Variants in GMEB1 observed in about 807,000 individuals in gnomAD.
GMEB1 encodes glucocorticoid modulatory element-binding protein 1.
Under a neutral mutation model 52.4 loss-of-function variants are expected in GMEB1, and 6 were observed. That is an observed-to-expected ratio of 0.11 (90% confidence interval 0.06 to 0.23). The LOEUF (loss-of-function observed/expected upper bound fraction) is 0.23, where lower values mean the gene tolerates loss of function less well. Ranked by LOEUF, GMEB1 falls within the 10% of genes least tolerant of loss-of-function variation. GMEB1 has a pLI of 1.00. For missense variants in GMEB1, 486 were observed against 685.6 expected, an observed-to-expected ratio of 0.71 and a Z score of 3.25; for synonymous variants, 255 against 244.9, an observed-to-expected ratio of 1.04 and a Z score of -0.38.
rs377667689 is a variant in GMEB1 at position 28,710,661 on chromosome 1, T to A, written c.991+19T>A. ...CTGACAGGTATGTATAAGTTATCGC[T>A]CTTCTTCGGTGATATCATGCTAATA... On this transcript the variant is annotated intron_variant, in intron 9 of 9. Coordinates refer to ENST00000373816, the MANE Select transcript of GMEB1 (RefSeq NM_001319674.2). 1 of 1,503,746 alleles carries A rather than the reference T, an allele frequency of 6.7e-7. No homozygotes were observed. Among genetic ancestry groups the A allele is most frequent in the Non-Finnish European group, 8.9e-7 (1 of 1,123,006 alleles). 93.2% of individuals were successfully genotyped at this position (1,503,746 alleles called of 1,614,324 possible).
At chr1:28,703,434 G>A (rs960409697) in intron 7 of GMEB1, among the ~76,000 whole-genome samples, 1 of 152,108 alleles carries the variant, frequency 6.6e-6, no homozygotes, top group African/African-American at 2.4e-5. Context: ...GGCCAAGGTG[G>A]ATGGATCACC....
chr1:28,676,579 T>C (rs1197522343), intron 1 of GMEB1, among the ~76,000 whole-genome samples: 1 of 151,718 alleles, frequency 6.6e-6, no homozygotes, highest in Non-Finnish European at 1.5e-5. Flanking sequence ...TACAAAAAAT[T>C]AGGCGGCATG....
At position 28,714,221 on chromosome 1, in the gene GMEB1, C is replaced by G. The variant is rs1260732056; in HGVS notation, c.1140C>G (p.Val380=). 3.1e-6 allele frequency: 5 copies of G among 1,614,092 alleles called. No homozygotes were observed. Among genetic ancestry groups the G allele is most frequent in the African/African-American group, 1.3e-5 (1 of 74,944 alleles). The change falls in exon 10 of 10, where the codon GTC becomes GTG. Residue 380 remains valine, a synonymous_variant. Transcript: ENST00000373816. ...TCCAGCGGCCAGCCTCCACCACTGT[C>G]TTGAGCCCTTCTCCTCCTGTCCAGC... ...PRLQRPASTT[V]LSPSPPVQQP... is the part of the protein sequence containing the mutation.
chr1:28,715,001 C>A lies in GMEB1; in HGVS notation c.*228C>A, dbSNP rs1273701801. The A allele has an allele frequency of 8.1e-6, 4 of 496,072 alleles. No individual in the cohort carries two copies. The highest frequency in any genetic ancestry group is 7.7e-5 in the African/African-American group (4 of 52,092). The allele number at this position is 496,072 out of a possible 1,614,324, so 30.7% of individuals were successfully genotyped here. A position where few individuals can be genotyped will look rare whatever the true frequency, so the allele number is the denominator to read the frequency against. ...AGAGTAGGTCATTCAATGTCCTAAT[C>A]ATCTTACACCAAGAAAGTAATTTCT... On this transcript the variant is annotated 3_prime_UTR_variant, in exon 10 of 10. Coordinates refer to ENST00000373816, the MANE Select transcript of GMEB1 (RefSeq NM_001319674.2).
At chr1:28,701,316 A>G (rs1042950319) in intron 6 of GMEB1, among the ~76,000 whole-genome samples, 8 of 128,174 alleles carry the variant, frequency 6.2e-5, no homozygotes, top group African/African-American at 2.4e-4. Context: ...CCCAGGCTGG[A>G]TGGAGTCCAG....
chr1:28,687,555 G>A (rs916036966), intron 2 of GMEB1, among the ~76,000 whole-genome samples: 11 of 152,020 alleles, frequency 7.2e-5, no homozygotes, highest in Non-Finnish European at 1.6e-4. Flanking sequence ...TCTTAAAGAA[G>A]CTTAAATATC....
At chr1:28,696,582 G>A (rs1458168835) in intron 5 of GMEB1, among the ~76,000 whole-genome samples, 11 of 152,052 alleles carry the variant, frequency 7.2e-5, no homozygotes. Context: ...CAATTATAAG[G>A]ACATTTTCCA....
chr1:28,710,481 CTGT>C, intron 8 of GMEB1, 36 bp from the exon 9 acceptor site: 1 of 1,515,430 alleles, frequency 6.6e-7, no homozygotes, highest in South Asian at 1.3e-5. Context: ...TGGAACATAT[CTGT>C]TTTAACTGGA....
intron 4 of GMEB1, among the ~76,000 whole-genome samples, chr1:28,692,244 A>G (rs1383243005): frequency 6.6e-6 from 1 of 151,708 alleles, no homozygotes; most frequent in Non-Finnish European, 1.5e-5. Flanking sequence ...TTCAAAAAAA[A>G]CTATTGGCTG....
At chr1:28,696,476 A>T (rs2124532633) in intron 5 of GMEB1, among the ~76,000 whole-genome samples, 1 of 152,254 alleles carries the variant, frequency 6.6e-6, no homozygotes, top group African/African-American at 2.4e-5. Context: ...GATACTAAAA[A>T]ATCTTTAGTG....
intron 6 of GMEB1, among the ~76,000 whole-genome samples, chr1:28,699,320 G>C (rs1250267787): frequency 6.6e-6 from 1 of 152,100 alleles, no homozygotes; most frequent in African/African-American, 2.4e-5. Context: ...CTATATAGTT[G>C]GATAAAATGT....
intron 9 of GMEB1, among the ~76,000 whole-genome samples, chr1:28,713,630 T>A (rs1479589512): frequency 6.6e-6 from 1 of 152,176 alleles, no homozygotes; most frequent in Non-Finnish European, 1.5e-5. Flanking sequence ...GCTGTTTGAG[T>A]CACCAGCAAA....
At chr1:28,690,889 G>A (rs2124511192) in intron 3 of GMEB1, among the ~76,000 whole-genome samples, 1 of 152,158 alleles carries the variant, frequency 6.6e-6, no homozygotes. Context: ...ACTGAGGCAG[G>A]AGATCCCTTG....
At chr1:28,694,675 T>G (rs919644308) in intron 5 of GMEB1, among the ~76,000 whole-genome samples, 41 of 144,364 alleles carry the variant, frequency 2.8e-4, no homozygotes, top group Admixed American at 4.2e-4. Flanking sequence ...TTAACATAGG[T>G]TTTTTTTTTT....
chr1:28,690,753 G>A (rs1306554333), intron 3 of GMEB1, among the ~76,000 whole-genome samples: 1 of 152,128 alleles, frequency 6.6e-6, no homozygotes, highest in African/African-American at 2.4e-5. Flanking sequence ...GGCTGAGGCA[G>A]GCGGATCACC....
intron 1 of GMEB1, among the ~76,000 whole-genome samples, chr1:28,674,419 A>G (rs1669045722): frequency 6.6e-6 from 1 of 152,048 alleles, no homozygotes; most frequent in Non-Finnish European, 1.5e-5. Context: ...TATTTTTTTG[A>G]GACGGAGTCT....
chr1:28,676,498 TG>T (rs777743719), intron 1 of GMEB1, among the ~76,000 whole-genome samples: 5 of 152,100 alleles, frequency 3.3e-5, no homozygotes, highest in Non-Finnish European at 5.9e-5. Flanking sequence ...GAGGCCAAGG[TG>T]GGTGGATCAC....
chr1:28,707,969 G>A (rs1670859670), intron 8 of GMEB1, among the ~76,000 whole-genome samples: 1 of 151,832 alleles, frequency 6.6e-6, no homozygotes, highest in Admixed American at 6.6e-5. Context: ...TGCAGTCACA[G>A]CTCACTGCAG....
At position 28,683,578 on chromosome 1, in the gene GMEB1, G is replaced by A. The variant is rs749877038; in HGVS notation, c.-30-5G>A. 8 of 1,578,392 alleles carry A rather than the reference G, an allele frequency of 5.1e-6. No homozygotes were observed. Among genetic ancestry groups the A allele is most frequent in the East Asian group, 2.3e-5 (1 of 42,778 alleles). ...TAAGTTATTGGTGCTTCTTGTTCCCGACAGCAGTCCCAGCTATCTGACTTC... is the reference window on the plus strand; with the variant it reads ...TAAGTTATTGGTGCTTCTTGTTCCCAACAGCAGTCCCAGCTATCTGACTTC... On this transcript the variant is annotated splice_polypyrimidine_tract_variant and splice_region_variant and intron_variant, in intron 1 of 9. Transcript: ENST00000373816.
Sources: gnomAD v4.1 joint callset for allele counts (sites outside exome capture counted in the v4.1 genomes callset) on GRCh38, gnomAD v4.1.1 for gene constraint, MANE v1.5 for transcripts, NCBI Gene and HGNC (gene_info 2026-07-23, HGNC 2026-07-21) for gene names.